Variants in MACROD2 observed in about 807,000 individuals in gnomAD.
MACROD2 encodes the protein mono-ADP ribosylhydrolase 2.
In MACROD2, 36 loss-of-function variants were observed where a neutral mutation model predicts 70.4. That is an observed-to-expected ratio of 0.51 (90% CI 0.39 to 0.68). The LOEUF (loss-of-function observed/expected upper bound fraction) is 0.68. Ranked by LOEUF, MACROD2 falls within the 30% of genes least tolerant of loss-of-function variation. MACROD2 has a pLI of 0.00. For missense variants in MACROD2, 496 were observed against 538.4 expected, an observed-to-expected ratio of 0.92 and a Z score of 0.78; for synonymous variants, 172 against 178.8, an observed-to-expected ratio of 0.96 and a Z score of 0.30.
At position 14,506,117 on chromosome 20, in the gene MACROD2, C is replaced by T. The variant is rs116019627; in HGVS notation, c.301+12609C>T. On this transcript the variant is annotated intron_variant, in intron 4 of 17. Transcript: ENST00000684519. ...GACTTTGAGTGGTGAGTGATTAATA[C>T]GCCCTGAAGAGTTGTCAGTGAAAGT... is the stretch of plus-strand genomic sequence containing the variant. 1.2e-4 allele frequency among the ~76,000 whole-genome samples: 19 copies of T among 152,186 alleles called. No homozygotes were observed. The South Asian group carries it at 2.7e-3, about 22-fold the overall frequency.
chr20:14,805,202 C>T (rs1373684077), intron 5 of MACROD2, among the ~76,000 whole-genome samples: 6 of 151,966 alleles, frequency 3.9e-5, no homozygotes, highest in Non-Finnish European at 8.8e-5. Flanking sequence ...ATGTTGGTTG[C>T]TGGATGCTTT....
chr20:14,168,940 A>C (rs919258366), intron 3 of MACROD2, among the ~76,000 whole-genome samples: 1 of 152,230 alleles, frequency 6.6e-6, no homozygotes, highest in East Asian at 1.9e-4. Flanking sequence ...ATGAACATAG[A>C]TGGAAAAATC....
rs539294839 is a variant in MACROD2, at chr20:15,848,154, C to A, written c.646-14591C>A. ...GACTATAATAGCTGAAGGAGAAATT[C>A]TTTTGGAAGTTAAAATATGTTGAAA... On this transcript the variant is annotated intron_variant, in intron 8 of 17. Coordinates refer to ENST00000684519, the MANE Select transcript of MACROD2 (RefSeq NM_001351661.2). Among the ~76,000 whole-genome samples, 100 of 152,194 alleles carry A rather than the reference C, an allele frequency of 6.6e-4. 1 individual carries two copies. Among genetic ancestry groups the A allele is most frequent in the African/African-American group, 2.3e-3 (97 of 41,544 alleles).
In MACROD2 at chr20:15,059,039, T is replaced by A. The variant is rs6043078; in HGVS notation, c.419-170901T>A. Among the ~76,000 whole-genome samples, 788 of 152,328 alleles carry A rather than the reference T, an allele frequency of 5.2e-3. 10 individuals are homozygous for A. Among genetic ancestry groups the A allele is most frequent in the African/African-American group, 0.018 (754 of 41,568 alleles). On this transcript the variant is annotated intron_variant, in intron 5 of 17. Transcript: ENST00000684519. The stretch of plus-strand genomic sequence containing the variant: ...ATTATTTCAAGAATTTCCCCAAATT[T>A]AAATTCCAATGTTGCTAATTCATCA...
At chr20:15,241,427 ATTTTTTTCTTATTT>A in intron 6 of MACROD2, among the ~76,000 whole-genome samples, 1 of 152,032 alleles carries the variant, frequency 6.6e-6, no homozygotes. Context: ...TTACCATTGC[ATTTTTTTCTTATTT>A]TTGTGATTTC....
At chr20:15,659,568 AGTTATTATCTG>A (rs1222483788) in intron 8 of MACROD2, among the ~76,000 whole-genome samples, 2 of 151,644 alleles carry the variant, frequency 1.3e-5, no homozygotes, top group East Asian at 3.9e-4. Context: ...CTTCTCCTGC[AGTTATTATCTG>A]GTAATGTCTG....
At chr20:15,687,739 G>A (rs546190467) in intron 8 of MACROD2, among the ~76,000 whole-genome samples, 2 of 152,138 alleles carry the variant, frequency 1.3e-5, no homozygotes, top group African/African-American at 2.4e-5. Flanking sequence ...GACTCACTGG[G>A]AATTTCTAAT....
chr20:15,633,133 T>C lies in MACROD2; in HGVS notation c.645+133286T>C, dbSNP rs2049316096. On this transcript the variant is annotated intron_variant, in intron 8 of 17. Coordinates refer to ENST00000684519, the MANE Select transcript of MACROD2 (RefSeq NM_001351661.2). ...TGGTTTATTACACATATGTATCTCATTGATGTTTTTTGTGGACATTGCACT... is the reference window on the plus strand; with the variant it reads ...TGGTTTATTACACATATGTATCTCACTGATGTTTTTTGTGGACATTGCACT... 3.9e-5 allele frequency among the ~76,000 whole-genome samples: 6 copies of C among 152,344 alleles called. No homozygotes were observed. In the South Asian group the frequency reaches 1.0e-3, roughly 26 times the overall value.
chr20:15,425,081 A>T (rs191243000), intron 6 of MACROD2, among the ~76,000 whole-genome samples: 8 of 152,332 alleles, frequency 5.3e-5, no homozygotes, highest in African/African-American at 1.9e-4. Flanking sequence ...GTTTGGAAGA[A>T]AAGTGCAGAG....
At chr20:16,031,012 TA>T (rs1451118615) in intron 15 of MACROD2, among the ~76,000 whole-genome samples, 2 of 152,124 alleles carry the variant, frequency 1.3e-5, no homozygotes, top group African/African-American at 2.4e-5. Flanking sequence ...ACATGTCACT[TA>T]AAAATACCTA....
intron 3 of MACROD2, among the ~76,000 whole-genome samples, chr20:14,195,514 G>C (rs182371012): frequency 6.6e-6 from 1 of 152,018 alleles, no homozygotes; most frequent in East Asian, 1.9e-4. Context: ...TTGTTTTCCT[G>C]CCCAAAACAT....
chr20:15,281,152 A>T (rs114377270), intron 6 of MACROD2, among the ~76,000 whole-genome samples: 2 of 152,146 alleles, frequency 1.3e-5, no homozygotes, highest in Admixed American at 1.3e-4. Context: ...CCATGATCCA[A>T]TTACCTCCAC....
At chr20:15,596,309 T>C (rs1385768504) in intron 8 of MACROD2, among the ~76,000 whole-genome samples, 1 of 152,110 alleles carries the variant, frequency 6.6e-6, no homozygotes, top group Non-Finnish European at 1.5e-5. Context: ...GGGAATGCCT[T>C]CTTATGGTGG....
At chr20:14,379,464 TAAAA>T (rs1568585611) in intron 3 of MACROD2, among the ~76,000 whole-genome samples, 1 of 152,224 alleles carries the variant, frequency 6.6e-6, no homozygotes, top group South Asian at 2.1e-4. Flanking sequence ...AATATATAAA[TAAAA>T]TGAGCTATTT....
At chr20:14,926,278 G>A (rs773785091) in intron 5 of MACROD2, among the ~76,000 whole-genome samples, 6 of 151,976 alleles carry the variant, frequency 3.9e-5, no homozygotes, top group African/African-American at 7.2e-5. Flanking sequence ...GGCCAGGTGC[G>A]GTGGCTCACA....
At position 15,521,224 on chromosome 20, in the gene MACROD2, G is replaced by A. The variant is rs1284270541; in HGVS notation, c.645+21377G>A. Among the ~76,000 whole-genome samples, 6 of 152,260 alleles carry A rather than the reference G, an allele frequency of 3.9e-5. No homozygotes were observed. The South Asian group carries it at 6.2e-4, about 16-fold the overall frequency. ...AGAGCAATTATAATTATAATTAAGA[G>A]TGGGTTGGTTTTCTTTTCGGTTTGC... On this transcript the variant is annotated intron_variant, in intron 8 of 17. Transcript: ENST00000684519.
intron 6 of MACROD2, among the ~76,000 whole-genome samples, chr20:15,279,242 G>A (rs934975236): frequency 3.3e-5 from 5 of 152,144 alleles, no homozygotes; most frequent in African/African-American, 1.2e-4. Context: ...GAACAAAAAG[G>A]TCATGGCATT....
intron 8 of MACROD2, among the ~76,000 whole-genome samples, chr20:15,813,084 A>G (rs1488228918): frequency 6.6e-6 from 1 of 152,072 alleles, no homozygotes; most frequent in African/African-American, 2.4e-5. Context: ...TTAATTCCCT[A>G]TGTCTTTATT....
intron 3 of MACROD2, among the ~76,000 whole-genome samples, chr20:14,203,199 T>C (rs188312978): frequency 7.0e-4 from 107 of 152,266 alleles, no homozygotes; most frequent in African/African-American, 2.5e-3. Context: ...ATTTTTTAAT[T>C]TCATTCATTG....
Sources: allele counts gnomAD v4.1 joint callset (sites outside exome capture counted in the v4.1 genomes callset), GRCh38; gene constraint gnomAD v4.1.1; transcripts MANE v1.5; gene names NCBI Gene and HGNC (gene_info 2026-07-23, HGNC 2026-07-21).